SLC1A3: variants seen among roughly 807,000 people sequenced by gnomAD.
The protein encoded by SLC1A3 is solute carrier family 1 member 3.
In SLC1A3, 21 loss-of-function variants were observed where a neutral mutation model predicts 48.1. The ratio of observed to expected loss-of-function variants is 0.44; its 90% CI spans 0.31 to 0.63. SLC1A3 has a LOEUF of 0.63. Among genes scored for constraint, SLC1A3 ranks in the 20% least tolerant of loss-of-function variants. The probability of loss-of-function intolerance (pLI) is 0.08; values close to 1 mark genes in which losing one functional copy is unlikely to be tolerated. For synonymous variants in SLC1A3, 239 were observed against 251.4 expected (o/e 0.95, Z 0.47); for missense variants, 546 against 689.0 (o/e 0.79, Z 2.32).
intron 3 of SLC1A3, among the ~76,000 whole-genome samples, chr5:36,634,977 G>T (rs950973000): frequency 2.0e-5 from 3 of 152,002 alleles, no homozygotes; most frequent in African/African-American, 4.8e-5. Flanking sequence ...TTAAATCTTC[G>T]CATCTGAAGG....
chr5:36,605,737 C>A (rs1738909129), upstream of SLC1A3, among the ~76,000 whole-genome samples: 1 of 152,082 alleles, frequency 6.6e-6, no homozygotes, highest in Non-Finnish European at 1.5e-5. Flanking sequence ...TTTCTAATAT[C>A]TATTTTCACA....
Position 36,677,000 on chromosome 5 carries a change from C to G in SLC1A3, c.676C>G (p.Arg226Gly), listed in dbSNP as rs201069745. The G allele has an allele frequency of 2.4e-4, 381 of 1,613,914 alleles. 1 individual carries two copies. Among genetic ancestry groups the G allele is most frequent in the South Asian group, 6.0e-4 (55 of 91,084 alleles). The change falls in exon 6 of 10, where the codon CGA (arginine) becomes GGA (glycine). Residue 226 changes from arginine (R) to glycine (G), a missense_variant. Arg to Gly is a moderately radical substitution (Grantham distance 125). Transcript: ENST00000265113. ...NVSEAMETLT[R>G]ITEELVPVPG... ...GTCTGAGGCCATGGAGACTCTTACCCGAATCACAGAGGAGCTGGTCCCAGT... is the reference window on the plus strand; with the variant it reads ...GTCTGAGGCCATGGAGACTCTTACCGGAATCACAGAGGAGCTGGTCCCAGT...
In SLC1A3 at chr5:36,679,834, C is replaced by T; in HGVS notation, c.1068C>T (p.Leu356=). The change falls in exon 7 of 10, where the codon CTC becomes CTT. Residue 356 remains leucine, a synonymous_variant. Coordinates refer to ENST00000265113, the MANE Select transcript of SLC1A3 (RefSeq NM_004172.5). ...TTATTGGAGGGTTGCTGCAAGCACT[C>T]ATCACCGCTCTGGGGACCTCTTCAA... ...WVFIGGLLQA[L]ITALGTSSSS... The T allele has an allele frequency of 6.2e-7, 1 of 1,613,840 alleles. No individual in the cohort carries two copies. The highest frequency in any genetic ancestry group is 2.2e-5 in the East Asian group (1 of 44,886).
At position 36,686,134 on chromosome 5, in the gene SLC1A3, A is replaced by G. The variant is rs1742637131; in HGVS notation, c.1494A>G (p.Ser498=). 3 of 1,614,098 alleles carry G rather than the reference A, an allele frequency of 1.9e-6. No homozygotes were observed. The highest frequency in any genetic ancestry group is 1.7e-5 in the Admixed American group (1 of 60,010). The change falls in exon 10 of 10, where the codon TCA becomes TCG. Residue 498 remains serine, a synonymous_variant. Coordinates refer to ENST00000265113, the MANE Select transcript of SLC1A3 (RefSeq NM_004172.5). ...SLGAGIVEHL[S]RHELKNRDVE... ...GAGCTGGGATTGTGGAGCACTTGTC[A>G]CGACATGAACTGAAGAACAGAGATG...
At chr5:36,649,324 G>A (rs1189478995) in intron 3 of SLC1A3, 1 of 94,700 alleles carries the variant, frequency 1.1e-5, no homozygotes, top group African/African-American at 2.9e-5. Flanking sequence ...CTCCAGCCTG[G>A]GCAACAAAAG....
intron 9 of SLC1A3, among the ~76,000 whole-genome samples, chr5:36,685,262 C>T (rs1158515671): frequency 9.2e-5 from 14 of 151,854 alleles, no homozygotes; most frequent in Non-Finnish European, 7.4e-5. Flanking sequence ...CCATTTCGAC[C>T]CCAAAATTTA....
At chr5:36,622,737 C>T (rs374146194) in intron 2 of SLC1A3, among the ~76,000 whole-genome samples, 8 of 152,100 alleles carry the variant, frequency 5.3e-5, no homozygotes, top group African/African-American at 1.7e-4. Flanking sequence ...GTTGGCCGGG[C>T]GCATTGGCTC....
In SLC1A3 at chr5:36,687,021, C is replaced by T. The variant is rs943597808; in HGVS notation, c.*752C>T. On this transcript the variant is annotated 3_prime_UTR_variant, in exon 10 of 10. Transcript: ENST00000265113. ...GAGCACGAGGCCTTCAGAAAAGACACTTCAATGGGAGTGAACATTTCTAAC... is the reference window on the plus strand; with the variant it reads ...GAGCACGAGGCCTTCAGAAAAGACATTTCAATGGGAGTGAACATTTCTAAC... The T allele has an allele frequency of 2.0e-5, 3 of 152,522 alleles. No homozygotes were observed. Among genetic ancestry groups the T allele is most frequent in the Non-Finnish European group, 2.9e-5 (2 of 68,304 alleles). The allele number at this position is 152,522 out of a possible 1,614,324, so 9.4% of individuals were successfully genotyped here. A position where few individuals can be genotyped will look rare whatever the true frequency, so the allele number is the denominator to read the frequency against.
chr5:36,679,289 G>A (rs555777457), intron 6 of SLC1A3, among the ~76,000 whole-genome samples: 2 of 152,306 alleles, frequency 1.3e-5, no homozygotes, highest in Non-Finnish European at 2.9e-5. Flanking sequence ...GTAGTGAAAG[G>A]AGGGCTGGCT....
At chr5:36,613,225 C>T (rs1682035253) in intron 2 of SLC1A3, 1 of 196,722 alleles carries the variant, frequency 5.1e-6, no homozygotes, top group African/African-American at 2.3e-5. Context: ...TGAACGAAGA[C>T]AGTTCTGTCT....
intron 3 of SLC1A3, among the ~76,000 whole-genome samples, chr5:36,667,005 C>T (rs965956147): frequency 5.3e-5 from 8 of 152,180 alleles, no homozygotes; most frequent in African/African-American, 1.4e-4. Flanking sequence ...CTTTTACTTT[C>T]TAGAAAGCAT....
At position 36,606,645 on chromosome 5, in the gene SLC1A3, C is replaced by G. The variant is rs140908324; in HGVS notation, c.-186C>G. 3.0e-4 allele frequency: 46 copies of G among 152,446 alleles called. No individual in the cohort carries two copies. Among genetic ancestry groups the G allele is most frequent in the African/African-American group, 1.1e-3 (45 of 41,600 alleles). 9.4% of individuals were successfully genotyped at this position (152,446 alleles called of 1,614,324 possible). A position where few individuals can be genotyped will look rare whatever the true frequency, so the allele number is the denominator to read the frequency against. On this transcript the variant is annotated 5_prime_UTR_variant, in exon 1 of 10. The change creates a premature stop within an existing upstream ORF in the 5' untranslated region. Coordinates refer to ENST00000265113, the MANE Select transcript of SLC1A3 (RefSeq NM_004172.5). ...CTGTCAGGGCTAGCCTGCCTGCTTACGCGCGCTGCGGATTGTTGCTCCGTT... is the reference window on the plus strand; with the variant it reads ...CTGTCAGGGCTAGCCTGCCTGCTTAGGCGCGCTGCGGATTGTTGCTCCGTT...
chr5:36,681,715 T>C (rs1331804699), intron 8 of SLC1A3, among the ~76,000 whole-genome samples: 2 of 152,224 alleles, frequency 1.3e-5, no homozygotes, highest in Non-Finnish European at 2.9e-5. Context: ...CCCTCCTTTT[T>C]GCTTATTAAA....
intron 5 of SLC1A3, among the ~76,000 whole-genome samples, chr5:36,674,839 C>A (rs1167326238): frequency 6.6e-6 from 1 of 152,098 alleles, no homozygotes; most frequent in Non-Finnish European, 1.5e-5. Context: ...GATGAGACAC[C>A]GACCTGGAGG....
At chr5:36,648,062 T>C (rs1296518422) in intron 3 of SLC1A3, among the ~76,000 whole-genome samples, 2 of 152,218 alleles carry the variant, frequency 1.3e-5, no homozygotes, top group Admixed American at 1.3e-4. Context: ...GCATTAATTA[T>C]CATGAAGCTT....
chr5:36,656,474 A>T (rs72732546), intron 3 of SLC1A3, among the ~76,000 whole-genome samples: 35,676 of 152,162 alleles, frequency 0.23, 4,892 homozygotes, highest in Non-Finnish European at 0.32. Flanking sequence ...AATATTTTTC[A>T]TAATTTTTCT....
chr5:36,632,434 G>C (rs878970116), intron 3 of SLC1A3, among the ~76,000 whole-genome samples: 1 of 152,170 alleles, frequency 6.6e-6, no homozygotes, highest in African/African-American at 2.4e-5. Flanking sequence ...TGATAATGTG[G>C]AATTCACTAC....
At chr5:36,604,185 G>T (rs1278537174), upstream of SLC1A3, among the ~76,000 whole-genome samples, 1 of 152,132 alleles carries the variant, frequency 6.6e-6, no homozygotes, top group Non-Finnish European at 1.5e-5. Flanking sequence ...AGCATTTGCT[G>T]CTGGTGTTTG....
chr5:36,597,741 C>G (rs768563037), intron 1 of SLC1A3, among the ~76,000 whole-genome samples: 2 of 152,204 alleles, frequency 1.3e-5, no homozygotes, highest in Admixed American at 6.5e-5. Flanking sequence ...TTGTCTTGCT[C>G]CCGCCATTTC....
Sources: gnomAD v4.1 joint callset for allele counts (sites outside exome capture counted in the v4.1 genomes callset) on GRCh38, gnomAD v4.1.1 for gene constraint, MANE v1.5 for transcripts, NCBI Gene and HGNC (gene_info 2026-07-23, HGNC 2026-07-21) for gene names.